Variants in MGME1 observed in about 807,000 individuals in gnomAD.
MGME1 encodes mitochondrial genome maintenance exonuclease 1.
A neutral mutation model predicts 33.0 loss-of-function variants in MGME1; 22 were observed. That is an observed-to-expected ratio of 0.67 (90% CI 0.48 to 0.95). MGME1 has a LOEUF of 0.95. MGME1 is among the 40% of genes least tolerant of loss of function. The pLI is 0.00. For synonymous variants in MGME1, 133 were observed against 144.0 expected (o/e 0.92, Z 0.55); for missense variants, 383 against 397.8 (o/e 0.96, Z 0.32).
intron 4 of MGME1, among the ~76,000 whole-genome samples, chr20:17,989,736 C>T (rs1204618141): frequency 2.0e-5 from 3 of 149,382 alleles, no homozygotes; most frequent in African/African-American, 7.4e-5. Flanking sequence ...CTGTAAGGAT[C>T]ACAGCCCAGT....
chr20:17,989,691 C>T (rs2036243568), intron 4 of MGME1, among the ~76,000 whole-genome samples: 1 of 147,600 alleles, frequency 6.8e-6, no homozygotes, highest in Admixed American at 6.9e-5. Flanking sequence ...CACTTTTCCA[C>T]CCTCTTCTTG....
rs202011705 is a variant in MGME1 at position 17,988,241 on chromosome 20, A to T, written c.807A>T (p.Pro269=). The part of the protein sequence containing the change: ...KPFIQSTFDN[P]LQVVAYMGAM... ...TTATTCAAAGTACATTTGACAACCCACTGCAAGTTGTGGCATACATGGGTG... is the reference window on the plus strand; with the variant it reads ...TTATTCAAAGTACATTTGACAACCCTCTGCAAGTTGTGGCATACATGGGTG... The change falls in exon 4 of 5, where the codon CCA becomes CCT. Residue 269 remains proline, a synonymous_variant. Transcript: ENST00000377710. 92 of 1,614,046 alleles carry T rather than the reference A, an allele frequency of 5.7e-5. No homozygotes were observed. The East Asian group carries it at 2.0e-3, about 34-fold the overall frequency.
intron 3 of MGME1, among the ~76,000 whole-genome samples, chr20:17,987,889 T>A (rs992921387): frequency 6.6e-6 from 1 of 151,366 alleles, no homozygotes; most frequent in African/African-American, 2.4e-5. Context: ...ACTGGTTATT[T>A]GATGCAAAAA....
intron 2 of MGME1, 89 bp from the exon 3 acceptor site, chr20:17,975,595 A>T: frequency 3.5e-6 from 3 of 867,120 alleles, no homozygotes; most frequent in Non-Finnish European, 5.4e-6. Context: ...TTTTAATTGT[A>T]TTGTTTCAGG....
intron 3 of MGME1, among the ~76,000 whole-genome samples, chr20:17,986,520 G>A (rs1372756765): frequency 3.3e-5 from 5 of 150,972 alleles, no homozygotes; most frequent in Non-Finnish European, 7.4e-5. Flanking sequence ...ACAACACCTG[G>A]CTGATTTTTT....
chr20:17,976,241 A>G (rs1302038832), intron 3 of MGME1, among the ~76,000 whole-genome samples: 1 of 152,122 alleles, frequency 6.6e-6, no homozygotes, highest in Non-Finnish European at 1.5e-5. Context: ...CTCCTGCCTC[A>G]GCCTCCTGAG....
chr20:17,981,675 G>GTGTGTC (rs1555790894), intron 3 of MGME1, among the ~76,000 whole-genome samples: 2 of 150,568 alleles, frequency 1.3e-5, no homozygotes, highest in Admixed American at 1.3e-4. Context: ...GTGTGTGTGT[G>GTGTGTC]TGTGTGTGTG....
chr20:17,990,169 C>T lies in MGME1; in HGVS notation c.*60C>T. On this transcript the variant is annotated 3_prime_UTR_variant, in exon 5 of 5. Coordinates refer to ENST00000377710, the MANE Select transcript of MGME1 (RefSeq NM_052865.4). ...TCTCACAGTTTGGGAACATATATTG[C>T]TGTTTACTCCAGTGTAAAAATGAGG... is the stretch of plus-strand genomic sequence containing the variant. The T allele has an allele frequency of 6.9e-7, 1 of 1,440,178 alleles. No homozygotes were observed. Among genetic ancestry groups the T allele is most frequent in the Non-Finnish European group, 9.8e-7 (1 of 1,023,876 alleles). 89.2% of individuals were successfully genotyped at this position (1,440,178 alleles called of 1,614,324 possible). A position where few individuals can be genotyped will look rare whatever the true frequency, so the allele number is the denominator to read the frequency against.
chr20:17,977,962 A>G (rs1007313637), intron 3 of MGME1, among the ~76,000 whole-genome samples: 5 of 152,260 alleles, frequency 3.3e-5, no homozygotes, highest in Admixed American at 1.3e-4. Flanking sequence ...AAATCCGTTC[A>G]TGTAAACCTT....
chr20:17,988,510 C>T (rs1306448575), intron 4 of MGME1, among the ~76,000 whole-genome samples: 1 of 152,024 alleles, frequency 6.6e-6, no homozygotes, highest in Non-Finnish European at 1.5e-5. Context: ...GGCATGGTGG[C>T]TCATGCCTGT....
chr20:17,988,040 A>C (rs1363541819), intron 3 of MGME1, 126 bp from the exon 4 acceptor site: 1 of 918,140 alleles, frequency 1.1e-6, no homozygotes, highest in Middle Eastern at 2.4e-4. Context: ...AAAGGAAAAA[A>C]ATGGTGAATA....
rs202190831 is a variant in MGME1 at position 17,970,242 on chromosome 20, A to C, written c.383A>C (p.Asn128Thr). 4.2e-5 allele frequency: 67 copies of C among 1,614,250 alleles called. No individual in the cohort carries two copies. In the South Asian group the frequency reaches 7.2e-4, roughly 17 times the overall value. ...SVPLKIPLQR[N>T]VIPSVTRVLQ... is the part of the protein sequence containing the mutation. ...CCTTTGAAAATCCCCTTGCAAAGGA[A>C]TGTGATACCAAGTGTGACCCGAGTC... Residue 128 changes from asparagine (N) to threonine (T), a missense_variant, in exon 2 of 5, where the codon AAT becomes ACT. Asn to Thr is a moderately conservative substitution (Grantham distance 65). Transcript: ENST00000377710.
chr20:17,988,278 G>A lies in MGME1; in HGVS notation c.844G>A (p.Asp282Asn), dbSNP rs1460948125. Residue 282 changes from aspartate to asparagine, a missense_variant, in exon 4 of 5, where the codon GAT becomes AAT. Physicochemically the swap from Asp to Asn is conservative, Grantham distance 23. Coordinates refer to ENST00000377710, the MANE Select transcript of MGME1 (RefSeq NM_052865.4). ...VVAYMGAMNH[D>N]TNYSFQVQCG... Reference sequence around the variant, plus strand: ...GGCATACATGGGTGCCATGAACCATGATACCAACTACAGCTTTCAGGTCAG... The same window carrying A: ...GGCATACATGGGTGCCATGAACCATAATACCAACTACAGCTTTCAGGTCAG... The A allele has an allele frequency of 1.2e-6, 2 of 1,613,970 alleles. No homozygotes were observed. The highest frequency in any genetic ancestry group is 1.7e-6 in the Non-Finnish European group (2 of 1,179,944).
chr20:17,989,531 G>A (rs992049767), intron 4 of MGME1, among the ~76,000 whole-genome samples: 8 of 151,748 alleles, frequency 5.3e-5, no homozygotes, highest in African/African-American at 1.7e-4. Flanking sequence ...CCTGGGCAAC[G>A]TGACAAAACT....
At chr20:17,983,999 T>C (rs904940676) in intron 3 of MGME1, among the ~76,000 whole-genome samples, 1 of 152,170 alleles carries the variant, frequency 6.6e-6, no homozygotes, top group Admixed American at 6.6e-5. Context: ...TGAGAAATCA[T>C]GGCTCAGATC....
rs745758118 is a variant in MGME1, at chr20:17,970,130, G to C, written c.271G>C (p.Gly91Arg). Residue 91 changes from glycine to arginine, a missense_variant, in exon 2 of 5, where the codon GGT (glycine) becomes CGT (arginine). By Grantham distance (125) the Gly-to-Arg change is moderately radical. Coordinates refer to ENST00000377710, the MANE Select transcript of MGME1 (RefSeq NM_052865.4). Reference protein sequence around the residue: ...PVSKHKLPNQGEDRRVPQNWF... With the variant: ...PVSKHKLPNQREDRRVPQNWF... Reference sequence around the variant, plus strand: ...GAGCAAGCATAAGCTGCCAAACCAAGGTGAGGACAGACGAGTGCCACAAAA... The same window carrying C: ...GAGCAAGCATAAGCTGCCAAACCAACGTGAGGACAGACGAGTGCCACAAAA... 1.3e-5 allele frequency: 21 copies of C among 1,614,216 alleles called. 1 individual carries two copies. The South Asian group carries it at 2.2e-4, about 17-fold the overall frequency.
At chr20:17,970,769 A>G (rs1259627007) in intron 2 of MGME1, among the ~76,000 whole-genome samples, 2 of 152,216 alleles carry the variant, frequency 1.3e-5, no homozygotes, top group Admixed American at 6.5e-5. Flanking sequence ...CCACTGTCCT[A>G]CTTATTAGCG....
At chr20:17,981,246 A>G (rs2036011734) in intron 3 of MGME1, among the ~76,000 whole-genome samples, 1 of 152,206 alleles carries the variant, frequency 6.6e-6, no homozygotes, top group Admixed American at 6.5e-5. Flanking sequence ...GACAGTCATA[A>G]TATACAGACA....
At chr20:17,975,131 C>A (rs554796687) in intron 2 of MGME1, among the ~76,000 whole-genome samples, 13 of 152,154 alleles carry the variant, frequency 8.5e-5, no homozygotes, top group Middle Eastern at 6.8e-3. Context: ...TGGCCCAATT[C>A]TCCTAGAAGT....
Sources: allele counts gnomAD v4.1 joint callset (sites outside exome capture counted in the v4.1 genomes callset), GRCh38; gene constraint gnomAD v4.1.1; transcripts MANE v1.5; gene names NCBI Gene and HGNC (gene_info 2026-07-23, HGNC 2026-07-21).